Variants in PRSS23 observed in about 807,000 individuals in gnomAD.
PRSS23 encodes the protein protease, serine 23.
In PRSS23, 25 loss-of-function variants were observed where a neutral mutation model predicts 34.7. The ratio of observed to expected loss-of-function variants is 0.72; its 90% CI spans 0.53 to 1.01. The LOEUF (loss-of-function observed/expected upper bound fraction) is 1.01. PRSS23 is among the 50% of genes least tolerant of loss of function. PRSS23 has a pLI of 0.00. For synonymous variants in PRSS23, 176 were observed against 186.6 expected (o/e 0.94, Z 0.46); for missense variants, 445 against 475.6 (o/e 0.94, Z 0.60).
chr11:86,842,980 A>G (rs76766357), intron 2 of PRSS23, among the ~76,000 whole-genome samples: 1,723 of 152,354 alleles, frequency 0.011, 15 homozygotes, highest in Middle Eastern at 0.027. Context: ...CTAAGCAAAA[A>G]GAACAAAGAT....
chr11:86,841,720 A>G (rs1387369252), intron 2 of PRSS23, among the ~76,000 whole-genome samples: 1 of 152,194 alleles, frequency 6.6e-6, no homozygotes, highest in Non-Finnish European at 1.5e-5. Context: ...CACCCACCCA[A>G]GAGTAAACCA....
At chr11:86,879,990 T>G (rs910356379) in intron 2 of PRSS23, among the ~76,000 whole-genome samples, 1 of 152,078 alleles carries the variant, frequency 6.6e-6, no homozygotes, top group African/African-American at 2.4e-5. Context: ...AATGGCGGTT[T>G]TGTGGAATAG....
intron 2 of PRSS23, among the ~76,000 whole-genome samples, chr11:86,892,617 G>A (rs1948849204): frequency 6.6e-6 from 1 of 152,170 alleles, no homozygotes; most frequent in Non-Finnish European, 1.5e-5. Context: ...CTCTAGCTGT[G>A]TGATAATCTT....
intron 2 of PRSS23, among the ~76,000 whole-genome samples, chr11:86,883,083 C>T (rs561894706): frequency 6.6e-6 from 1 of 152,136 alleles, no homozygotes; most frequent in African/African-American, 2.4e-5. Flanking sequence ...GTTTAAGTTC[C>T]TTATAGATGC....
At chr11:86,904,910 G>C (rs1337943784) in intron 2 of PRSS23, among the ~76,000 whole-genome samples, 1 of 151,750 alleles carries the variant, frequency 6.6e-6, no homozygotes, top group Non-Finnish European at 1.5e-5. Context: ...GTTTTAATTA[G>C]CAGGGCCTGG....
chr11:86,832,757 C>G, intron 2 of PRSS23: 1 of 291,584 alleles, frequency 3.4e-6, no homozygotes. Flanking sequence ...TTTATACTTC[C>G]CACCTGATGA....
intron 2 of PRSS23, among the ~76,000 whole-genome samples, chr11:86,830,911 A>G (rs1391886325): frequency 2.0e-5 from 3 of 151,992 alleles, no homozygotes; most frequent in East Asian, 1.9e-4. Flanking sequence ...TTCTATGGGG[A>G]TGTTACTTTT....
intron 2 of PRSS23, among the ~76,000 whole-genome samples, chr11:86,899,738 G>A (rs1948898781): frequency 6.6e-6 from 1 of 151,604 alleles, no homozygotes; most frequent in Admixed American, 6.6e-5. Flanking sequence ...GGATGGTCTC[G>A]ATCGCCTGAC....
intron 2 of PRSS23, among the ~76,000 whole-genome samples, chr11:86,875,067 T>G (rs1389541997): frequency 6.6e-6 from 1 of 152,194 alleles, no homozygotes; most frequent in African/African-American, 2.4e-5. Context: ...AACTGCATGG[T>G]CTTTAATGTC....
In PRSS23 at chr11:86,844,251, G is replaced by A. The variant is rs952195803; in HGVS notation, c.206+20658G>A. 1.5e-4 allele frequency among the ~76,000 whole-genome samples: 23 copies of A among 152,238 alleles called. No individual in the cohort carries two copies. The South Asian group carries it at 2.5e-3, about 17-fold the overall frequency. ...CAAAATGCAGGGAACATCACACACC[G>A]GGGCCTGTCAGGGGGTAGGCAGCTG... On this transcript the variant is annotated intron_variant, in intron 2 of 2. Coordinates refer to the PRSS23 transcript ENST00000533902.
At chr11:86,823,391 A>T (rs886557750) in exon 2 of PRSS23, 1 of 702,328 alleles carries the variant, frequency 1.4e-6, no homozygotes, top group South Asian at 1.5e-5. Flanking sequence ...CTCCCTAATG[A>T]GTAGAATGAG....
At chr11:86,823,215 AC>A in intron 1 of PRSS23, 1 of 604,944 alleles carries the variant, frequency 1.7e-6, no homozygotes, top group Non-Finnish European at 2.9e-6. Context: ...TATTTCTTTT[AC>A]TTTAGTATTC....
chr11:86,888,132 CAAA>C (rs1435639758), intron 2 of PRSS23, among the ~76,000 whole-genome samples: 1,442 of 71,438 alleles, frequency 0.02, 13 homozygotes, highest in South Asian at 0.038. Context: ...AAAAACAAAA[CAAA>C]ACAAAACCTA....
Position 86,810,141 on chromosome 11 carries a change from A to G in PRSS23, c.*1346A>G, listed in dbSNP as rs1397446289. 1 of 166,200 alleles carries G rather than the reference A, an allele frequency of 6.0e-6. No individual in the cohort carries two copies. The highest frequency in any genetic ancestry group is 1.5e-5 in the Non-Finnish European group (1 of 68,116). The allele number at this position is 166,200 out of a possible 1,614,324, so 10.3% of individuals were successfully genotyped here. ...GTTTTATCAATATGATTATCAAATCACAGCATATACAGAAAAGACTTGGAC... is the reference window on the plus strand; with the variant it reads ...GTTTTATCAATATGATTATCAAATCGCAGCATATACAGAAAAGACTTGGAC... On this transcript the variant is annotated 3_prime_UTR_variant, in exon 2 of 2. Transcript: ENST00000280258.
At chr11:86,925,972 C>T (rs1476000055) in intron 2 of PRSS23, among the ~76,000 whole-genome samples, 1 of 152,212 alleles carries the variant, frequency 6.6e-6, no homozygotes, top group Non-Finnish European at 1.5e-5. Flanking sequence ...AGCCTCAGAG[C>T]TTTGCTCCAT....
chr11:86,934,038 A>G (rs1949144099), intron 2 of PRSS23: 1 of 152,182 alleles, frequency 6.6e-6, no homozygotes, highest in Admixed American at 6.5e-5. Flanking sequence ...TAAATTCGAG[A>G]CTGTGTTTGC....
intron 2 of PRSS23, among the ~76,000 whole-genome samples, chr11:86,824,081 G>A (rs932798589): frequency 6.6e-6 from 1 of 150,860 alleles, no homozygotes; most frequent in African/African-American, 2.4e-5. Flanking sequence ...CCAAAAGAGG[G>A]CTCTGCCGTT....
At chr11:86,875,843 A>C (rs946650011) in intron 2 of PRSS23, among the ~76,000 whole-genome samples, 1 of 152,224 alleles carries the variant, frequency 6.6e-6, no homozygotes, top group Admixed American at 6.5e-5. Context: ...GGGCAGACCA[A>C]CTATCATTCT....
intron 2 of PRSS23, among the ~76,000 whole-genome samples, chr11:86,831,980 C>T (rs973817200): frequency 5.3e-5 from 8 of 151,378 alleles, no homozygotes; most frequent in African/African-American, 1.9e-4. Context: ...CCTAGGGGGA[C>T]CTTACTCCTA....
Sources: gnomAD v4.1 joint callset for allele counts (sites outside exome capture counted in the v4.1 genomes callset) on GRCh38, gnomAD v4.1.1 for gene constraint, MANE v1.5 for transcripts, NCBI Gene and HGNC (gene_info 2026-07-23, HGNC 2026-07-21) for gene names.